The following GNAO1 variants were observed in gnomAD, a reference collection of about 807,000 sequenced individuals.
GNAO1 encodes the protein guanine nucleotide-binding protein G(o) subunit alpha.
For synonymous variants in GNAO1, 164 were observed against 180.7 expected (o/e 0.91, Z 0.74); for missense variants, 166 against 478.7 (o/e 0.35, Z 6.10).
At chr16:56,194,530 C>T in intron 2 of GNAO1, 1 of 299,636 alleles carries the variant, frequency 3.3e-6, no homozygotes, top group South Asian at 3.1e-5. Context: ...GGGCTCAGTT[C>T]GGCGACGCTC....
At chr16:56,245,847 A>G (rs1444419203) in intron 2 of GNAO1, among the ~76,000 whole-genome samples, 1 of 152,204 alleles carries the variant, frequency 6.6e-6, no homozygotes, top group Non-Finnish European at 1.5e-5. Context: ...TAGACTTATA[A>G]AAATTGTGAA....
At chr16:56,270,048 A>G (rs1261698861) in intron 2 of GNAO1, among the ~76,000 whole-genome samples, 1 of 152,182 alleles carries the variant, frequency 6.6e-6, no homozygotes, top group Non-Finnish European at 1.5e-5. Flanking sequence ...TCCCTAAGGC[A>G]GCAGAGAGAG....
intron 6 of GNAO1, chr16:56,340,316 C>G (rs751792478): frequency 1.3e-5 from 2 of 152,434 alleles, no homozygotes; most frequent in Non-Finnish European, 2.9e-5. Context: ...AGACGCTATT[C>G]CCTGGTGTCT....
At chr16:56,243,101 C>T (rs2143432917) in intron 2 of GNAO1, among the ~76,000 whole-genome samples, 1 of 151,242 alleles carries the variant, frequency 6.6e-6, no homozygotes, top group African/African-American at 2.4e-5. Flanking sequence ...GTCACTGTCT[C>T]CCATCACCCC....
chr16:56,298,708 C>G (rs1221430504), intron 3 of GNAO1, among the ~76,000 whole-genome samples: 1 of 151,946 alleles, frequency 6.6e-6, no homozygotes, highest in Non-Finnish European at 1.5e-5. Context: ...ATCAGGAGAT[C>G]AAGACCATCC....
At position 56,341,359 on chromosome 16, in the gene GNAO1, C is replaced by T. The variant is rs141866132; in HGVS notation, c.723+4499C>T. Reference sequence around the variant, plus strand: ...CAGCCCAAGGTTTATGCCCCAGCTCCGCCACTCACAAGCAGCTCAGGCAGG... The same window carrying T: ...CAGCCCAAGGTTTATGCCCCAGCTCTGCCACTCACAAGCAGCTCAGGCAGG... On this transcript the variant is annotated intron_variant, in intron 6 of 8. Coordinates refer to ENST00000262493, the MANE Select transcript of GNAO1 (RefSeq NM_020988.3). Among the ~76,000 whole-genome samples, 51 of 152,334 alleles carry T rather than the reference C, an allele frequency of 3.3e-4. No individual in the cohort carries two copies. In the East Asian group the frequency reaches 8.7e-3, roughly 26 times the overall value.
At chr16:56,341,746 G>A (rs1404123245) in intron 6 of GNAO1, among the ~76,000 whole-genome samples, 12 of 152,202 alleles carry the variant, frequency 7.9e-5, no homozygotes, top group African/African-American at 2.7e-4. Context: ...GGCCCCTGAG[G>A]AGCTGCAGGT....
chr16:56,330,449 A>G (rs776072669), intron 4 of GNAO1, among the ~76,000 whole-genome samples: 132 of 149,656 alleles, frequency 8.8e-4, no homozygotes, highest in African/African-American at 3.0e-3. Context: ...ATTTTTACCC[A>G]TTTCACTAAT....
chr16:56,305,492 GA>G (rs2037385135), intron 3 of GNAO1, among the ~76,000 whole-genome samples: 1 of 152,250 alleles, frequency 6.6e-6, no homozygotes, highest in South Asian at 2.1e-4. Flanking sequence ...GCAAAGACTC[GA>G]GTCCAGGAGG....
chr16:56,301,774 C>A (rs185815819), intron 3 of GNAO1: 1 of 152,122 alleles, frequency 6.6e-6, no homozygotes, highest in Non-Finnish European at 1.5e-5. Context: ...GATTCATAAG[C>A]GTAGTGGCCA....
At chr16:56,306,216 GGTCA>G (rs552819698) in intron 3 of GNAO1, among the ~76,000 whole-genome samples, 169 of 152,316 alleles carry the variant, frequency 1.1e-3, no homozygotes, top group African/African-American at 4.0e-3. Context: ...TCTTACCGAA[GGTCA>G]GTCAGAAGCC....
At chr16:56,316,375 C>T (rs1480808524) in intron 3 of GNAO1, among the ~76,000 whole-genome samples, 2 of 152,216 alleles carry the variant, frequency 1.3e-5, no homozygotes, top group East Asian at 1.9e-4. Flanking sequence ...CCCTCATAGG[C>T]ATGACCAGCA....
chr16:56,284,907 C>T (rs1279521257), intron 3 of GNAO1, among the ~76,000 whole-genome samples: 4 of 152,224 alleles, frequency 2.6e-5, no homozygotes, highest in Admixed American at 6.5e-5. Context: ...CCCTCCACAG[C>T]GTTTGCCATG....
chr16:56,303,217 A>G (rs534052724), intron 3 of GNAO1, among the ~76,000 whole-genome samples: 39 of 152,238 alleles, frequency 2.6e-4, no homozygotes, highest in African/African-American at 8.7e-4. Flanking sequence ...GCCCTGTCCC[A>G]TGCTGGGGTG....
chr16:56,242,470 G>A (rs1436304213), intron 2 of GNAO1, among the ~76,000 whole-genome samples: 1 of 152,050 alleles, frequency 6.6e-6, no homozygotes, highest in African/African-American at 2.4e-5. Context: ...AAAAGAATAG[G>A]CATCTAGATC....
intron 2 of GNAO1, among the ~76,000 whole-genome samples, chr16:56,247,430 T>G (rs2036757436): frequency 6.6e-6 from 1 of 152,136 alleles, no homozygotes; most frequent in Non-Finnish European, 1.5e-5. Context: ...TAGGTGGTTT[T>G]GCTTTTCTCT....
At chr16:56,275,815 A>T in intron 2 of GNAO1, 116 bp from the exon 3 acceptor site, 1 of 728,472 alleles carries the variant, frequency 1.4e-6, no homozygotes, top group Non-Finnish European at 2.1e-6. Context: ...CAACTCAGTA[A>T]CTCAGCATCT....
At chr16:56,244,312 C>T (rs1397176184) in intron 2 of GNAO1, among the ~76,000 whole-genome samples, 1 of 151,934 alleles carries the variant, frequency 6.6e-6, no homozygotes, top group Non-Finnish European at 1.5e-5. Flanking sequence ...AAAAGAGGGC[C>T]CCATCCTGGG....
chr16:56,248,236 C>T (rs2036767194), intron 2 of GNAO1, among the ~76,000 whole-genome samples: 1 of 152,220 alleles, frequency 6.6e-6, no homozygotes, highest in South Asian at 2.1e-4. Context: ...TCTTAACTCT[C>T]GTTTCTGTTT....
Sources: gnomAD v4.1 joint callset for allele counts (sites outside exome capture counted in the v4.1 genomes callset) on GRCh38, gnomAD v4.1.1 for gene constraint, MANE v1.5 for transcripts, NCBI Gene and HGNC (gene_info 2026-07-23, HGNC 2026-07-21) for gene names.